Variants in SFRP1 observed in about 807,000 individuals in gnomAD.
SFRP1 encodes the protein secreted frizzled-related protein 1.
In SFRP1, 9 loss-of-function variants were observed where a neutral mutation model predicts 25.9. That is an observed-to-expected ratio of 0.35 (90% CI 0.21 to 0.61). The LOEUF (loss-of-function observed/expected upper bound fraction) is 0.61. SFRP1 is among the 20% of genes least tolerant of loss of function. SFRP1 has a pLI of 0.78. For missense variants in SFRP1, 346 were observed against 418.2 expected (o/e 0.83, Z 1.51); for synonymous variants, 178 against 174.0 (o/e 1.02, Z -0.18).
intron 2 of SFRP1, among the ~76,000 whole-genome samples, chr8:41,276,085 G>A (rs1449739419): frequency 2.0e-5 from 3 of 152,146 alleles, no homozygotes; most frequent in Non-Finnish European, 4.4e-5. Context: ...TGGTTGATCA[G>A]GAAAGGCCCA....
intron 2 of SFRP1, among the ~76,000 whole-genome samples, chr8:41,287,224 AG>A (rs1251204931): frequency 1.3e-5 from 2 of 152,216 alleles, no homozygotes; most frequent in African/African-American, 2.4e-5. Context: ...TGAAACACAC[AG>A]GCTTGTCCAC....
intron 2 of SFRP1, among the ~76,000 whole-genome samples, chr8:41,299,214 T>C (rs1803881934): frequency 6.6e-6 from 1 of 150,794 alleles, no homozygotes; most frequent in Non-Finnish European, 1.5e-5. Flanking sequence ...TTTACGCACA[T>C]AAAATATCCT....
intron 2 of SFRP1, among the ~76,000 whole-genome samples, chr8:41,294,166 C>T (rs1391457338): frequency 6.6e-6 from 1 of 152,146 alleles, no homozygotes; most frequent in Non-Finnish European, 1.5e-5. Flanking sequence ...GGCACAGCCG[C>T]CCTATGGAGT....
In SFRP1 at chr8:41,273,637, A is replaced by G. The variant is rs142519232; in HGVS notation, c.623-8148T>C. ...ACTTACCTATTTAAAAAAATGCAGA[A>G]TTAAACAAGACACGGGATTCAGGAA... On this transcript the variant is annotated intron_variant, in intron 2 of 2. Transcript: ENST00000220772. Among the ~76,000 whole-genome samples the G allele has an allele frequency of 6.2e-3, 950 of 152,342 alleles. 11 individuals carry two copies. Among genetic ancestry groups the G allele is most frequent in the African/African-American group, 0.021 (861 of 41,574 alleles).
chr8:41,303,052 T>TAA (rs397891660), intron 2 of SFRP1, among the ~76,000 whole-genome samples: 2,431 of 101,146 alleles, frequency 0.024, 97 homozygotes, highest in African/African-American at 0.086. Context: ...GGGTAGATGT[T>TAA]AAAAAAAAAA....
chr8:41,304,177 T>C (rs1159009191), intron 1 of SFRP1, among the ~76,000 whole-genome samples: 1 of 152,048 alleles, frequency 6.6e-6, no homozygotes, highest in Non-Finnish European at 1.5e-5. Flanking sequence ...CTTCAGAGGC[T>C]CTTTCCTGGG....
chr8:41,299,648 G>C (rs181830393), intron 2 of SFRP1, among the ~76,000 whole-genome samples: 149 of 124,630 alleles, frequency 1.2e-3, no homozygotes, highest in African/African-American at 4.6e-3. Flanking sequence ...CCCAGGTAGA[G>C]CGAGACTTAG....
At position 41,309,049 on chromosome 8, in the gene SFRP1, C is replaced by G. The variant is rs768472530; in HGVS notation, c.111G>C (p.Val37=). The G allele has an allele frequency of 6.2e-7, 1 of 1,605,696 alleles. No homozygotes were observed. The highest frequency in any genetic ancestry group is 8.5e-7 in the Non-Finnish European group (1 of 1,179,742). The part of the protein sequence containing the change: ...AVGSASEYDY[V]SFQSDIGPYQ... ...ACGGGCCGATGTCCGACTGGAAGCT[C>G]ACGTAGTCGTACTCGCTGGCCGAGC... The change falls in exon 1 of 3, where the codon GTG becomes GTC. Residue 37 remains valine, a synonymous_variant. Coordinates refer to ENST00000220772, the MANE Select transcript of SFRP1 (RefSeq NM_003012.5).
intron 2 of SFRP1, among the ~76,000 whole-genome samples, chr8:41,302,175 A>G (rs1487146368): frequency 6.6e-6 from 1 of 152,248 alleles, no homozygotes; most frequent in African/African-American, 2.4e-5. Context: ...GCAGAAACAG[A>G]CAAGTAACTC....
rs1803494391 is a variant in SFRP1, at chr8:41,270,799, G to A, written c.623-5310C>T. 9.5e-5 allele frequency among the ~76,000 whole-genome samples: 14 copies of A among 147,024 alleles called. No individual in the cohort carries two copies. The Admixed American group carries it at 9.6e-4, about 10-fold the overall frequency. ...GAGCGCACACTGCACTCCAGCCTGG[G>A]TGACAGAGCAAGACTCCATCTCAAA... is the stretch of plus-strand genomic sequence containing the variant. On this transcript the variant is annotated intron_variant, in intron 2 of 2. Transcript: ENST00000220772.
In SFRP1 at chr8:41,265,028, G is replaced by C. The variant is rs1406447622; in HGVS notation, c.*139C>G. On this transcript the variant is annotated 3_prime_UTR_variant, in exon 3 of 3. Transcript: ENST00000220772. ...ATGGAGGGAAGGGAGCGGGAATGCTGCAAGAACAAGCCGACTGGATTACAA... is the reference window on the plus strand; with the variant it reads ...ATGGAGGGAAGGGAGCGGGAATGCTCCAAGAACAAGCCGACTGGATTACAA... 1 of 653,430 alleles carries C rather than the reference G, an allele frequency of 1.5e-6. No homozygotes were observed. The highest frequency in any genetic ancestry group is 2.6e-6 in the Non-Finnish European group (1 of 385,258). 40.5% of individuals were successfully genotyped at this position (653,430 alleles called of 1,614,324 possible).
intron 1 of SFRP1, among the ~76,000 whole-genome samples, chr8:41,305,396 G>A (rs917703166): frequency 6.6e-6 from 1 of 152,214 alleles, no homozygotes; most frequent in African/African-American, 2.4e-5. Flanking sequence ...AATTACATTT[G>A]GACTTCAGTG....
At chr8:41,265,513 A>G in intron 2 of SFRP1, 24 bp from the exon 3 acceptor site, 1 of 1,544,458 alleles carries the variant, frequency 6.5e-7, no homozygotes, top group African/African-American at 1.4e-5. Context: ...GGACAGAAGA[A>G]GAGAAAAGAG....
At chr8:41,289,675 C>T (rs182839768) in intron 2 of SFRP1, among the ~76,000 whole-genome samples, 35 of 152,344 alleles carry the variant, frequency 2.3e-4, no homozygotes, top group African/African-American at 7.2e-4. Flanking sequence ...GCCCAGAGAA[C>T]CAGCAGTTCT....
chr8:41,306,047 T>C (rs1049119327), intron 1 of SFRP1, among the ~76,000 whole-genome samples: 1 of 152,142 alleles, frequency 6.6e-6, no homozygotes, highest in Non-Finnish European at 1.5e-5. Context: ...GAAACAACAA[T>C]GCATCAGCCT....
chr8:41,290,223 C>A (rs540556250), intron 2 of SFRP1, among the ~76,000 whole-genome samples: 1 of 152,244 alleles, frequency 6.6e-6, no homozygotes, highest in African/African-American at 2.4e-5. Context: ...ACCCATATCT[C>A]GCAGATATAA....
chr8:41,266,823 A>G (rs1172193946), intron 2 of SFRP1, among the ~76,000 whole-genome samples: 2 of 152,224 alleles, frequency 1.3e-5, no homozygotes, highest in East Asian at 3.8e-4. Context: ...ATTGAGTCCT[A>G]TAAAATGACA....
intron 2 of SFRP1, among the ~76,000 whole-genome samples, chr8:41,268,582 T>C (rs1358982452): frequency 1.3e-5 from 2 of 152,196 alleles, no homozygotes; most frequent in East Asian, 3.8e-4. Flanking sequence ...TCTTGCCACT[T>C]GGCCCCTTTC....
chr8:41,305,075 T>A (rs1037817413), intron 1 of SFRP1, among the ~76,000 whole-genome samples: 4 of 152,134 alleles, frequency 2.6e-5, no homozygotes, highest in African/African-American at 4.8e-5. Context: ...TGCTTCCACA[T>A]GGGGAAAAGG....
Sources: allele counts gnomAD v4.1 joint callset (sites outside exome capture counted in the v4.1 genomes callset), GRCh38; gene constraint gnomAD v4.1.1; transcripts MANE v1.5; gene names NCBI Gene and HGNC (gene_info 2026-07-23, HGNC 2026-07-21).